Variants in CFAP418 observed in about 807,000 individuals in gnomAD.
CFAP418 encodes cilia and flagella associated protein 418.
In CFAP418, 27 loss-of-function variants were observed where a neutral mutation model predicts 24.7. The ratio of observed to expected loss-of-function variants is 1.09; its 90% CI spans 0.81 to 1.51. The LOEUF is 1.51. Ranked by LOEUF, CFAP418 falls within the 40% of genes most tolerant of loss-of-function variation. The pLI is 0.00. For synonymous variants in CFAP418, 74 were observed against 87.3 expected, an observed-to-expected ratio of 0.85 and a Z score of 0.85; for missense variants, 257 against 255.2, an observed-to-expected ratio of 1.01 and a Z score of -0.05.
intron 2 of CFAP418, among the ~76,000 whole-genome samples, chr8:95,261,228 C>T (rs79492338): frequency 0.017 from 2,527 of 152,156 alleles, 44 homozygotes; most frequent in Non-Finnish European, 0.019. Flanking sequence ...CAGAGACATG[C>T]CTTCATTTTA....
chr8:95,247,398 T>C lies in CFAP418; in HGVS notation c.*219A>G. ...AGTAAAGAATGTAGATGCCTGTTAC[T>C]AAGTGAAACATCCATGTATCAGGAA... On this transcript the variant is annotated 3_prime_UTR_variant, in exon 6 of 6. Coordinates refer to ENST00000286688, the MANE Select transcript of CFAP418 (RefSeq NM_177965.4). 2 of 540,200 alleles carry C rather than the reference T, an allele frequency of 3.7e-6. No homozygotes were observed. Among genetic ancestry groups the C allele is most frequent in the South Asian group, 4.8e-5 (2 of 41,312 alleles). The allele number at this position is 540,200 out of a possible 1,614,324, so 33.5% of individuals were successfully genotyped here.
At chr8:95,253,815 T>C (rs1395305884) in intron 4 of CFAP418, among the ~76,000 whole-genome samples, 1 of 152,200 alleles carries the variant, frequency 6.6e-6, no homozygotes, top group African/African-American at 2.4e-5. Flanking sequence ...TATGACCTGC[T>C]TTCTTATGCA....
chr8:95,259,761 T>A, intron 4 of CFAP418, 79 bp downstream of exon 4: 1 of 993,714 alleles, frequency 1.0e-6, no homozygotes, highest in Non-Finnish European at 1.6e-6. Context: ...GATGTGAAGA[T>A]GATAACTACA....
chr8:95,266,357 T>C (rs1811980625), intron 1 of CFAP418, among the ~76,000 whole-genome samples: 1 of 152,226 alleles, frequency 6.6e-6, no homozygotes, highest in Admixed American at 6.5e-5. Flanking sequence ...TAATCACATA[T>C]TTCTTTTTAT....
chr8:95,255,220 C>T (rs1811768556), intron 4 of CFAP418, among the ~76,000 whole-genome samples: 1 of 152,176 alleles, frequency 6.6e-6, no homozygotes, highest in Non-Finnish European at 1.5e-5. Flanking sequence ...AAAAGGATTA[C>T]AGGACCCTAA....
chr8:95,266,853 A>C (rs1172169054), intron 1 of CFAP418, among the ~76,000 whole-genome samples: 3 of 152,244 alleles, frequency 2.0e-5, no homozygotes, highest in Non-Finnish European at 4.4e-5. Context: ...TTAGTAGAGC[A>C]AGAACAGGCA....
chr8:95,255,920 G>T (rs1811780165), intron 4 of CFAP418, among the ~76,000 whole-genome samples: 1 of 152,212 alleles, frequency 6.6e-6, no homozygotes, highest in Non-Finnish European at 1.5e-5. Context: ...TTTCATGAAA[G>T]GGGCAACTAA....
At chr8:95,250,120 T>A (rs1252467665) in intron 5 of CFAP418, among the ~76,000 whole-genome samples, 1 of 152,194 alleles carries the variant, frequency 6.6e-6, no homozygotes, top group Non-Finnish European at 1.5e-5. Flanking sequence ...AGGTGCTGAA[T>A]AATGTCTACT....
Position 95,269,023 on chromosome 8 carries a change from C to T in CFAP418, c.155+12G>A, listed in dbSNP as rs371521751. 2.2e-5 allele frequency: 36 copies of T among 1,613,266 alleles called. No individual in the cohort carries two copies. The highest frequency in any genetic ancestry group is 2.9e-5 in the Non-Finnish European group (34 of 1,179,488). On this transcript the variant is annotated intron_variant, in intron 1 of 5. Transcript: ENST00000286688. ...CTTTACCAGAACAGTCCACCCCTCCCGCCCGGTTAACCTGAGCGTCTCTTT... is the reference window on the plus strand; with the variant it reads ...CTTTACCAGAACAGTCCACCCCTCCTGCCCGGTTAACCTGAGCGTCTCTTT...
chr8:95,269,146 T>G lies in CFAP418; in HGVS notation c.44A>C (p.Lys15Thr), dbSNP rs111662618. Reference protein sequence around the residue: ...LDELLDEVESKFCTPDLLRRG... With the variant: ...LDELLDEVESTFCTPDLLRRG... The stretch of plus-strand genomic sequence containing the variant: ...TCTTAGAAGGTCAGGTGTGCAAAAC[T>G]TGGACTCGACTTCATCCAAGAGCTC... Residue 15 changes from lysine to threonine, a missense_variant, in exon 1 of 6, where the codon AAG becomes ACG. Transcript: ENST00000286688. The G allele has an allele frequency of 6.2e-7, 1 of 1,614,126 alleles. No individual in the cohort carries two copies. Among genetic ancestry groups the G allele is most frequent in the Non-Finnish European group, 8.5e-7 (1 of 1,179,986 alleles).
At chr8:95,267,823 CAA>C (rs892950938) in intron 1 of CFAP418, among the ~76,000 whole-genome samples, 3 of 151,516 alleles carry the variant, frequency 2.0e-5, no homozygotes, top group Non-Finnish European at 4.4e-5. Context: ...AGGCAATTTC[CAA>C]AAGATTCTAG....
intron 4 of CFAP418, among the ~76,000 whole-genome samples, chr8:95,258,120 C>G (rs56306366): frequency 0.037 from 5,568 of 152,148 alleles, 145 homozygotes; most frequent in African/African-American, 0.062. Context: ...CAGTGGCTCA[C>G]GCCTGTAATC....
At position 95,269,195 on chromosome 8, in the gene CFAP418, A is replaced by G; in HGVS notation, c.-6T>C. The G allele has an allele frequency of 1.9e-6, 3 of 1,613,930 alleles. No individual in the cohort carries two copies. The highest frequency in any genetic ancestry group is 2.5e-6 in the Non-Finnish European group (3 of 1,179,828). ...TCGTCCAGGTCCTCCGCCATCTTGAATCGCCTGGCCTTTTCCCCTCCAATC... is the reference window on the plus strand; with the variant it reads ...TCGTCCAGGTCCTCCGCCATCTTGAGTCGCCTGGCCTTTTCCCCTCCAATC... On this transcript the variant is annotated 5_prime_UTR_variant, in exon 1 of 6. Coordinates refer to ENST00000286688, the MANE Select transcript of CFAP418 (RefSeq NM_177965.4).
At chr8:95,248,024 T>C (rs1376778178) in intron 5 of CFAP418, among the ~76,000 whole-genome samples, 2 of 152,026 alleles carry the variant, frequency 1.3e-5, no homozygotes, top group East Asian at 1.9e-4. Flanking sequence ...TTTTTTTTTG[T>C]AGAGATGAGG....
chr8:95,259,938 G>A (rs1355755568), intron 3 of CFAP418, 33 bp from the exon 4 acceptor site: 4 of 1,521,854 alleles, frequency 2.6e-6, no homozygotes, highest in South Asian at 1.3e-5. Flanking sequence ...AAAATATGAA[G>A]TTATAACAAA....
chr8:95,264,577 C>T (rs975959608), intron 1 of CFAP418, among the ~76,000 whole-genome samples: 4 of 152,144 alleles, frequency 2.6e-5, no homozygotes, highest in African/African-American at 9.7e-5. Context: ...AGTCCGTGCA[C>T]TTAATACTAT....
chr8:95,268,940 C>T, intron 1 of CFAP418, 95 bp downstream of exon 1: 3 of 1,371,142 alleles, frequency 2.2e-6, no homozygotes, highest in Non-Finnish European at 3.0e-6. Context: ...CTGGAGGTCG[C>T]GGGCACGTTT....
At chr8:95,256,981 G>A (rs981207549) in intron 4 of CFAP418, among the ~76,000 whole-genome samples, 5 of 152,230 alleles carry the variant, frequency 3.3e-5, no homozygotes, top group African/African-American at 1.2e-4. Flanking sequence ...CAAATAGTGA[G>A]TTTAGAGTTA....
At chr8:95,259,756 GA>G in intron 4 of CFAP418, 83 bp downstream of exon 4, 1 of 957,258 alleles carries the variant, frequency 1.0e-6, no homozygotes, top group Non-Finnish European at 1.6e-6. Context: ...AGATTGATGT[GA>G]AGATGATAAC....
Sources: gnomAD v4.1 joint callset for allele counts (sites outside exome capture counted in the v4.1 genomes callset) on GRCh38, gnomAD v4.1.1 for gene constraint, MANE v1.5 for transcripts, NCBI Gene and HGNC (gene_info 2026-07-23, HGNC 2026-07-21) for gene names.